The following TENM4 variants were observed in gnomAD, a reference collection of about 807,000 sequenced individuals.
TENM4 encodes teneurin transmembrane protein 4.
Under a neutral mutation model 243.3 loss-of-function variants are expected in TENM4, and 82 were observed. The observed-to-expected ratio is 0.34, with a 90% CI of 0.28 to 0.40. TENM4 has a LOEUF of 0.40. TENM4 is among the 10% of genes least tolerant of loss of function. The pLI is 1.00. For synonymous variants in TENM4, 1,412 were observed against 1,456.3 expected, an observed-to-expected ratio of 0.97 and a Z score of 0.69; for missense variants, 3,138 against 3,673.3, an observed-to-expected ratio of 0.85 and a Z score of 3.77.
At chr11:78,724,196 C>T (rs1268609329) in intron 23 of TENM4, among the ~76,000 whole-genome samples, 4 of 152,036 alleles carry the variant, frequency 2.6e-5, no homozygotes, top group African/African-American at 9.7e-5. Flanking sequence ...GTGATCCTCC[C>T]ACCTCAGCCT....
intron 6 of TENM4, among the ~76,000 whole-genome samples, chr11:79,021,411 T>C (rs147169386): frequency 6.6e-6 from 1 of 152,272 alleles, no homozygotes; most frequent in Non-Finnish European, 1.5e-5. Context: ...GAGAGTAAAC[T>C]ACTTATAGGC....
At chr11:78,953,947 T>G (rs1260073902) in intron 6 of TENM4, among the ~76,000 whole-genome samples, 2 of 152,236 alleles carry the variant, frequency 1.3e-5, no homozygotes, top group Non-Finnish European at 2.9e-5. Flanking sequence ...TATTTTTCCC[T>G]GCCATTGCTC....
intron 2 of TENM4, among the ~76,000 whole-genome samples, chr11:79,257,289 G>T (rs1048706944): frequency 3.9e-5 from 6 of 151,958 alleles, no homozygotes; most frequent in Non-Finnish European, 8.8e-5. Context: ...ACTTCTTAAA[G>T]AATTAAAAAA....
chr11:78,829,678 C>T (rs140760453), intron 12 of TENM4, among the ~76,000 whole-genome samples: 2 of 152,274 alleles, frequency 1.3e-5, no homozygotes, highest in East Asian at 3.9e-4. Flanking sequence ...TACTTCATCT[C>T]TCTGTGTCTC....
chr11:79,281,281 T>C (rs1328460513), intron 2 of TENM4, among the ~76,000 whole-genome samples: 1 of 152,170 alleles, frequency 6.6e-6, no homozygotes, highest in Non-Finnish European at 1.5e-5. Context: ...GAGGAGGAGA[T>C]GGAGACTCAG....
intron 6 of TENM4, among the ~76,000 whole-genome samples, chr11:78,953,452 A>G (rs1165862479): frequency 6.6e-6 from 1 of 152,162 alleles, no homozygotes; most frequent in African/African-American, 2.4e-5. Flanking sequence ...GAATAAGGAA[A>G]CTGACATTCA....
At chr11:79,113,392 G>GGT (rs113144339) in intron 4 of TENM4, among the ~76,000 whole-genome samples, 4,140 of 145,128 alleles carry the variant, frequency 0.029, 131 homozygotes, top group African/African-American at 0.08. Flanking sequence ...CTATTGGATT[G>GGT]GTGTGTGTGT....
chr11:79,371,832 G>T (rs879563963), intron 1 of TENM4, among the ~76,000 whole-genome samples: 4 of 152,174 alleles, frequency 2.6e-5, no homozygotes, highest in Admixed American at 6.5e-5. Context: ...CTGTAATTCT[G>T]AAGAAAGAGA....
At chr11:79,315,858 T>A (rs1390574902) in intron 1 of TENM4, among the ~76,000 whole-genome samples, 1 of 152,234 alleles carries the variant, frequency 6.6e-6, no homozygotes, top group Non-Finnish European at 1.5e-5. Flanking sequence ...TAACAAATGT[T>A]AGAGTTCATC....
intron 7 of TENM4, among the ~76,000 whole-genome samples, chr11:78,902,120 AAGT>A (rs1855941741): frequency 6.6e-6 from 1 of 152,176 alleles, no homozygotes; most frequent in East Asian, 1.9e-4. Flanking sequence ...CTACTTTAGG[AAGT>A]AGGGTAGAAG....
chr11:78,923,149 G>C (rs935175684), intron 6 of TENM4, among the ~76,000 whole-genome samples: 1 of 152,108 alleles, frequency 6.6e-6, no homozygotes, highest in South Asian at 2.1e-4. Context: ...CCAGATTCAC[G>C]GGTGTGTGAA....
intron 1 of TENM4, among the ~76,000 whole-genome samples, chr11:79,298,077 A>T (rs1856486056): frequency 6.6e-6 from 1 of 152,062 alleles, no homozygotes; most frequent in Non-Finnish European, 1.5e-5. Context: ...CATTGCCCTT[A>T]TTAACTCATT....
At chr11:79,118,758 A>G (rs1861674123) in intron 4 of TENM4, among the ~76,000 whole-genome samples, 1 of 152,208 alleles carries the variant, frequency 6.6e-6, no homozygotes. Flanking sequence ...GCTGAATAAT[A>G]CTTCGTTGCA....
intron 1 of TENM4, among the ~76,000 whole-genome samples, chr11:79,382,617 T>G (rs1858027532): frequency 6.6e-6 from 1 of 151,936 alleles, no homozygotes; most frequent in Non-Finnish European, 1.5e-5. Flanking sequence ...CAGAGCATCT[T>G]GTAAACATGG....
intron 1 of TENM4, among the ~76,000 whole-genome samples, chr11:79,299,298 T>C (rs1856512926): frequency 1.3e-5 from 2 of 152,154 alleles, no homozygotes; most frequent in Admixed American, 1.3e-4. Flanking sequence ...ACTTAGTCTA[T>C]GTCAAGAAAG....
At position 78,971,038 on chromosome 11, in the gene TENM4, G is replaced by A. The variant is rs561660904; in HGVS notation, c.494-67515C>T. On this transcript the variant is annotated intron_variant, in intron 6 of 33. Transcript: ENST00000278550. ...TTTAAAAAATTTATTTTAGAGCTGA[G>A]ATCTCTCTGTGTTGCCCAGGCTAGA... Among the ~76,000 whole-genome samples the A allele has an allele frequency of 7.2e-5, 11 of 151,932 alleles. No homozygotes were observed. The South Asian group carries it at 2.1e-3, about 29-fold the overall frequency.
intron 1 of TENM4, among the ~76,000 whole-genome samples, chr11:79,321,285 C>T (rs1206245717): frequency 6.6e-6 from 1 of 152,186 alleles, no homozygotes; most frequent in Non-Finnish European, 1.5e-5. Context: ...GTGCTGCCTT[C>T]AGACTCAACA....
At chr11:78,861,231 C>T (rs1356560786) in intron 10 of TENM4, among the ~76,000 whole-genome samples, 1 of 152,212 alleles carries the variant, frequency 6.6e-6, no homozygotes, top group South Asian at 2.1e-4. Context: ...TCTGAAGAGC[C>T]ATCTGGTTAC....
rs180998675 is a variant in TENM4, at chr11:79,267,415, A to T, written c.-265+30073T>A. Among the ~76,000 whole-genome samples, 3 of 152,344 alleles carry T rather than the reference A, an allele frequency of 2.0e-5. No homozygotes were observed. The East Asian group carries it at 5.8e-4, about 29-fold the overall frequency. On this transcript the variant is annotated intron_variant, in intron 2 of 33. Transcript: ENST00000278550. ...GAATGCCAGAAATGCCTCACTGTTCAGCCCATAGTTCTAATTCTGAGATTT... is the reference window on the plus strand; with the variant it reads ...GAATGCCAGAAATGCCTCACTGTTCTGCCCATAGTTCTAATTCTGAGATTT...
Sources: gnomAD v4.1 joint callset for allele counts (sites outside exome capture counted in the v4.1 genomes callset) on GRCh38, gnomAD v4.1.1 for gene constraint, MANE v1.5 for transcripts, NCBI Gene and HGNC (gene_info 2026-07-23, HGNC 2026-07-21) for gene names.